Variants in ZC3H8 observed in about 807,000 individuals in gnomAD.
ZC3H8 encodes the protein zinc finger CCCH domain-containing protein 8.
Under a neutral mutation model 42.5 loss-of-function variants are expected in ZC3H8, and 27 were observed. The observed-to-expected ratio is 0.64, with a 90% CI of 0.47 to 0.88. The LOEUF (loss-of-function observed/expected upper bound fraction) is 0.88, where lower values mean the gene tolerates loss of function less well. Among genes scored for constraint, ZC3H8 ranks in the 40% least tolerant of loss-of-function variants. The pLI is 0.00. For synonymous variants in ZC3H8, 101 were observed against 110.1 expected, an observed-to-expected ratio of 0.92 and a Z score of 0.52; for missense variants, 277 against 336.1, an observed-to-expected ratio of 0.82 and a Z score of 1.37.
chr2:112,239,934 A>C (rs1685513210), intron 2 of ZC3H8, among the ~76,000 whole-genome samples: 1 of 152,184 alleles, frequency 6.6e-6, no homozygotes, highest in African/African-American at 2.4e-5. Flanking sequence ...GTTCCACCAG[A>C]GGATTGATTA....
rs1421022665 is a variant in ZC3H8 at position 112,231,856 on chromosome 2, T to C, written c.825A>G (p.Thr275=). The change falls in exon 7 of 9, where the codon ACA becomes ACG. Residue 275 remains threonine, a synonymous_variant. Coordinates refer to ENST00000409573, the MANE Select transcript of ZC3H8 (RefSeq NM_032494.3). ...KFSHAPLTPE[T]QELLAKVLDT... Reference sequence around the variant, plus strand: ...TACTTACTTTAGCCAACAATTCTTGTGTTTCAGGAGTCAGTGGAGCATGAG... The same window carrying C: ...TACTTACTTTAGCCAACAATTCTTGCGTTTCAGGAGTCAGTGGAGCATGAG... 7 of 1,584,808 alleles carry C rather than the reference T, an allele frequency of 4.4e-6. No individual in the cohort carries two copies. The highest frequency in any genetic ancestry group is 6.0e-6 in the Non-Finnish European group (7 of 1,163,344).
chr2:112,237,876 A>C (rs1374629508), intron 3 of ZC3H8, among the ~76,000 whole-genome samples: 1 of 152,174 alleles, frequency 6.6e-6, no homozygotes, highest in Non-Finnish European at 1.5e-5. Context: ...CAAAAATTTC[A>C]TTTATAATTG....
intron 2 of ZC3H8, among the ~76,000 whole-genome samples, chr2:112,243,062 TA>T (rs1231089364): frequency 2.6e-5 from 4 of 152,194 alleles, no homozygotes; most frequent in Non-Finnish European, 5.9e-5. Context: ...TAAAACCAGG[TA>T]AATACTTTCC....
chr2:112,225,779 T>G (rs764152857), intron 8 of ZC3H8, among the ~76,000 whole-genome samples: 1 of 151,888 alleles, frequency 6.6e-6, no homozygotes, highest in Non-Finnish European at 1.5e-5. Flanking sequence ...ATCATGCCAC[T>G]GCACTCCAGC....
intron 8 of ZC3H8, among the ~76,000 whole-genome samples, chr2:112,227,420 G>A (rs934626447): frequency 6.6e-6 from 1 of 152,238 alleles, no homozygotes; most frequent in South Asian, 2.1e-4. Flanking sequence ...AGGTACTCGG[G>A]AGGCTGAGGC....
chr2:112,238,229 G>T, intron 3 of ZC3H8, 86 bp downstream of exon 3: 2 of 1,318,430 alleles, frequency 1.5e-6, no homozygotes, highest in Non-Finnish European at 2.1e-6. Context: ...AAGATAAAGT[G>T]CAAAGAAAAA....
intron 3 of ZC3H8, among the ~76,000 whole-genome samples, chr2:112,237,689 C>G (rs866220182): frequency 6.6e-6 from 1 of 151,862 alleles, no homozygotes; most frequent in African/African-American, 2.4e-5. Context: ...GATTCTCGTG[C>G]CTCAGCCTCC....
intron 7 of ZC3H8, 47 bp from the exon 8 acceptor site, chr2:112,230,997 T>C: frequency 8.9e-7 from 1 of 1,119,758 alleles, no homozygotes; most frequent in Non-Finnish European, 1.2e-6. Flanking sequence ...CATTCATGTG[T>C]AATTCAGGTA....
At chr2:112,226,817 TAATAA>T (rs143920546) in intron 8 of ZC3H8, among the ~76,000 whole-genome samples, 16,216 of 152,014 alleles carry the variant, frequency 0.11, 1,152 homozygotes, top group Non-Finnish European at 0.15. Context: ...TAAAAATCCT[TAATAA>T]AATATTAGCC....
rs1054267696 is a variant in ZC3H8 at position 112,211,848 on chromosome 2, AC to A, written c.*4635del. On this transcript the variant is annotated 3_prime_UTR_variant, in exon 9 of 9. Transcript: ENST00000409573. The stretch of plus-strand genomic sequence containing the variant: ...TACAAATTTCACAGGAATCAACAGC[AC>A]TTTTAAGATGAGTTGGGCATCTTGT... 5.3e-5 allele frequency: 8 copies of A among 152,192 alleles called. No individual in the cohort carries two copies. The highest frequency in any genetic ancestry group is 8.8e-5 in the Non-Finnish European group (6 of 68,040). The allele number at this position is 152,192 out of a possible 1,614,324, so 9.4% of individuals were successfully genotyped here.
At chr2:112,254,355 A>G (rs1686053527) in intron 1 of ZC3H8, among the ~76,000 whole-genome samples, 1 of 152,242 alleles carries the variant, frequency 6.6e-6, no homozygotes, top group African/African-American at 2.4e-5. Context: ...ATTAAGTCCA[A>G]ATGACGTCTG....
intron 1 of ZC3H8, 156 bp downstream of exon 1, chr2:112,254,752 A>T: frequency 1.2e-6 from 1 of 814,380 alleles, no homozygotes; most frequent in Non-Finnish European, 1.9e-6. Context: ...CGACCTCTAT[A>T]GGTCAGACGG....
chr2:112,248,216 C>T (rs1334017100), intron 2 of ZC3H8, among the ~76,000 whole-genome samples: 1 of 151,906 alleles, frequency 6.6e-6, no homozygotes, highest in Admixed American at 6.6e-5. Flanking sequence ...GTCCCAGCTA[C>T]TCGGGAGGCT....
At chr2:112,252,481 G>C (rs1245309678) in intron 1 of ZC3H8, among the ~76,000 whole-genome samples, 1 of 152,150 alleles carries the variant, frequency 6.6e-6, no homozygotes. Context: ...AACACAACTA[G>C]AATGACCCTG....
In ZC3H8 at chr2:112,236,590, A is replaced by C. The variant is rs762576143; in HGVS notation, c.476T>G (p.Leu159Trp). ...PGPGNKGSNA[L>W]LRNSGSQEED... ...TTCCTGTGAGCCGCTGTTCCTCAGC[A>C]AAGCATTTGATCCTTTGTTTCCAGG... The change falls in exon 4 of 9, where the codon TTG (leucine) becomes TGG (tryptophan). Residue 159 changes from leucine (L) to tryptophan (W), a missense_variant. Transcript: ENST00000409573. 3.1e-6 allele frequency: 5 copies of C among 1,613,962 alleles called. No homozygotes were observed. In the Admixed American group the frequency reaches 8.3e-5, roughly 27 times the overall value.
At chr2:112,248,041 G>A (rs1255572145) in intron 2 of ZC3H8, among the ~76,000 whole-genome samples, 1 of 152,162 alleles carries the variant, frequency 6.6e-6, no homozygotes, top group African/African-American at 2.4e-5. Flanking sequence ...ATAAAACTAA[G>A]GAGGCTGGGC....
intron 8 of ZC3H8, among the ~76,000 whole-genome samples, chr2:112,221,240 G>T (rs567654859): frequency 6.6e-6 from 1 of 152,108 alleles, no homozygotes; most frequent in Non-Finnish European, 1.5e-5. Context: ...CTGGATAATG[G>T]GGGCAGATTT....
intron 2 of ZC3H8, among the ~76,000 whole-genome samples, chr2:112,248,598 C>T (rs566985726): frequency 1.2e-3 from 179 of 152,196 alleles, no homozygotes; most frequent in African/African-American, 4.0e-3. Flanking sequence ...TTAAGCGATT[C>T]TCCTGCCTCA....
At position 112,234,129 on chromosome 2, in the gene ZC3H8, T is replaced by C; in HGVS notation, c.612A>G (p.Lys204=). The C allele has an allele frequency of 6.4e-7, 1 of 1,572,084 alleles. No homozygotes were observed. Among genetic ancestry groups the C allele is most frequent in the South Asian group, 1.2e-5 (1 of 84,458 alleles). The change falls in exon 5 of 9, where the codon AAA becomes AAG. Residue 204 remains lysine, a synonymous_variant. Coordinates refer to ENST00000409573, the MANE Select transcript of ZC3H8 (RefSeq NM_032494.3). The part of the protein sequence containing the change: ...KQICKYFLER[K]CIKGDQCKFD... ...TTACACATTTTTATACCTTAATACA[T>C]TTCCTTTCAAGAAAATATTTACAAA...
Sources: allele counts gnomAD v4.1 joint callset (sites outside exome capture counted in the v4.1 genomes callset), GRCh38; gene constraint gnomAD v4.1.1; transcripts MANE v1.5; gene names NCBI Gene and HGNC (gene_info 2026-07-23, HGNC 2026-07-21).